Variants in TAFA4 observed in about 807,000 individuals in gnomAD.
TAFA4 encodes the protein TAFA chemokine like family member 4.
Under a neutral mutation model 21.1 loss-of-function variants are expected in TAFA4, and 20 were observed. That is an observed-to-expected ratio of 0.95 (90% CI 0.67 to 1.38). The LOEUF is 1.38. Among genes scored for constraint, TAFA4 ranks in the 40% most tolerant of loss-of-function variants. TAFA4 has a pLI of 0.00. For missense variants in TAFA4, 211 were observed against 180.9 expected (o/e 1.17, Z -0.95); for synonymous variants, 71 against 67.4 (o/e 1.05, Z -0.26).
In TAFA4 at chr3:68,826,498, G is replaced by A. The variant is rs1043057843; in HGVS notation, c.130+54232C>T. ...TGAGGCAGGAGAATGGCGTGAACCCGGGAGGCAGAGCTTGCAGTGAGCCGA... is the reference window on the plus strand; with the variant it reads ...TGAGGCAGGAGAATGGCGTGAACCCAGGAGGCAGAGCTTGCAGTGAGCCGA... On this transcript the variant is annotated intron_variant, in intron 3 of 5. Coordinates refer to ENST00000295569, the MANE Select transcript of TAFA4 (RefSeq NM_182522.5). Among the ~76,000 whole-genome samples, 14 of 151,432 alleles carry A rather than the reference G, an allele frequency of 9.2e-5. No individual in the cohort carries two copies. In the East Asian group the frequency reaches 1.2e-3, roughly 13 times the overall value.
At chr3:68,867,108 A>G (rs146712939) in intron 3 of TAFA4, among the ~76,000 whole-genome samples, 1 of 152,126 alleles carries the variant, frequency 6.6e-6, no homozygotes, top group Admixed American at 6.6e-5. Flanking sequence ...ACCAACCCGA[A>G]TAAGACTACC....
At chr3:68,851,091 C>A (rs1411912876) in intron 3 of TAFA4, among the ~76,000 whole-genome samples, 3 of 152,070 alleles carry the variant, frequency 2.0e-5, no homozygotes, top group African/African-American at 7.2e-5. Flanking sequence ...TGGAATCAAC[C>A]CCAATGTCCA....
chr3:68,832,371 A>G (rs1263702950), intron 3 of TAFA4, among the ~76,000 whole-genome samples: 1 of 151,864 alleles, frequency 6.6e-6, no homozygotes, highest in African/African-American at 2.4e-5. Context: ...TTTGGTGTGG[A>G]TGTCCTTTTT....
At chr3:68,754,751 A>G (rs1242461608) in intron 3 of TAFA4, among the ~76,000 whole-genome samples, 1 of 152,162 alleles carries the variant, frequency 6.6e-6, no homozygotes, top group Non-Finnish European at 1.5e-5. Context: ...GATGATTTCC[A>G]CCTGAATCAA....
chr3:68,803,655 C>T (rs1272455429), intron 3 of TAFA4, among the ~76,000 whole-genome samples: 2 of 150,862 alleles, frequency 1.3e-5, no homozygotes, highest in African/African-American at 4.9e-5. Context: ...CCTCTCTGAC[C>T]CTGTGTTTGT....
intron 2 of TAFA4, among the ~76,000 whole-genome samples, chr3:68,881,687 G>C (rs1159689908): frequency 6.6e-6 from 1 of 152,056 alleles, no homozygotes; most frequent in African/African-American, 2.4e-5. Flanking sequence ...CATGCCTCAT[G>C]GCATCTATTA....
chr3:68,804,827 T>G (rs1703658881), intron 3 of TAFA4, among the ~76,000 whole-genome samples: 1 of 152,188 alleles, frequency 6.6e-6, no homozygotes, highest in Non-Finnish European at 1.5e-5. Context: ...GACTTACATG[T>G]TAGACCTAAA....
intron 3 of TAFA4, among the ~76,000 whole-genome samples, chr3:68,823,764 C>T (rs1704165156): frequency 6.6e-6 from 1 of 152,164 alleles, no homozygotes; most frequent in Non-Finnish European, 1.5e-5. Context: ...CATTCACGTC[C>T]CTACAAAGGA....
chr3:68,767,314 C>T (rs1254146885), intron 3 of TAFA4, among the ~76,000 whole-genome samples: 1 of 151,918 alleles, frequency 6.6e-6, no homozygotes, highest in Non-Finnish European at 1.5e-5. Context: ...GAAAGGAAGC[C>T]CCAGACTCAG....
chr3:68,919,053 C>T (rs1047978423), intron 1 of TAFA4, among the ~76,000 whole-genome samples: 6 of 152,216 alleles, frequency 3.9e-5, no homozygotes, highest in Admixed American at 1.3e-4. Context: ...GCCTTCAATT[C>T]TGTCACCTTC....
intron 3 of TAFA4, among the ~76,000 whole-genome samples, chr3:68,856,695 G>T (rs757507636): frequency 2.8e-4 from 42 of 152,060 alleles, no homozygotes; most frequent in Non-Finnish European, 4.3e-4. Context: ...ATGGAAAGTC[G>T]CTCAACCCAA....
chr3:68,910,812 G>A (rs1229028885), intron 1 of TAFA4, among the ~76,000 whole-genome samples: 2 of 152,284 alleles, frequency 1.3e-5, no homozygotes, highest in South Asian at 4.1e-4. Context: ...GCATAGTTCA[G>A]CACCAAATCT....
intron 4 of TAFA4, among the ~76,000 whole-genome samples, chr3:68,745,912 G>C (rs1702448396): frequency 6.6e-6 from 1 of 152,166 alleles, no homozygotes; most frequent in African/African-American, 2.4e-5. Flanking sequence ...TATTGTTCCT[G>C]GGTATGCCTG....
chr3:68,885,333 A>AG (rs2089660273), intron 1 of TAFA4, 23 bp from the exon 2 acceptor site: 1 of 639,042 alleles, frequency 1.6e-6, no homozygotes, highest in African/African-American at 1.8e-5. Context: ...GGCCAAAAAA[A>AG]AAAAAGGAAT....
intron 5 of TAFA4, among the ~76,000 whole-genome samples, chr3:68,738,412 T>G (rs1359606470): frequency 1.3e-5 from 2 of 152,208 alleles, no homozygotes; most frequent in South Asian, 2.1e-4. Flanking sequence ...GTAGTCACTG[T>G]GTAGGGACCA....
chr3:68,739,824 T>G (rs1452711436), intron 4 of TAFA4, among the ~76,000 whole-genome samples: 1 of 152,128 alleles, frequency 6.6e-6, no homozygotes, highest in African/African-American at 2.4e-5. Context: ...CTGAATAATG[T>G]GTACACAGAG....
At chr3:68,908,230 A>G (rs576479538) in intron 1 of TAFA4, among the ~76,000 whole-genome samples, 22 of 152,350 alleles carry the variant, frequency 1.4e-4, no homozygotes, top group African/African-American at 5.3e-4. Context: ...AGACTCCCTA[A>G]GAGACACAGA....
chr3:68,924,782 A>C (rs2090092117), intron 1 of TAFA4, among the ~76,000 whole-genome samples: 1 of 152,216 alleles, frequency 6.6e-6, no homozygotes, highest in African/African-American at 2.4e-5. Flanking sequence ...AAAAATGGCC[A>C]GCATCCAGAG....
chr3:68,885,544 A>C (rs2089663380), intron 1 of TAFA4, among the ~76,000 whole-genome samples: 1 of 152,326 alleles, frequency 6.6e-6, no homozygotes, highest in South Asian at 2.1e-4. Context: ...ACATAGTTGT[A>C]AAGAACTTTC....
Sources: allele counts gnomAD v4.1 joint callset (sites outside exome capture counted in the v4.1 genomes callset), GRCh38; gene constraint gnomAD v4.1.1; transcripts MANE v1.5; gene names NCBI Gene and HGNC (gene_info 2026-07-23, HGNC 2026-07-21).